Variants in TNIP1 observed in about 807,000 individuals in gnomAD.
TNIP1 encodes the protein TNFAIP3-interacting protein 1.
TNIP1 carries 22 observed loss-of-function variants against 86.6 expected under a neutral mutation model. That is an observed-to-expected ratio of 0.25 (90% confidence interval 0.18 to 0.36). The LOEUF (loss-of-function observed/expected upper bound fraction) is 0.36, where lower values mean the gene tolerates loss of function less well. Among genes scored for constraint, TNIP1 ranks in the 10% least tolerant of loss-of-function variants. The pLI is 1.00. For missense variants in TNIP1, 709 were observed against 820.6 expected (o/e 0.86, Z 1.66); for synonymous variants, 294 against 313.0 (o/e 0.94, Z 0.64).
chr5:151,061,679 T>A (rs1298698177), intron 4 of TNIP1, among the ~76,000 whole-genome samples: 1 of 152,118 alleles, frequency 6.6e-6, no homozygotes, highest in Non-Finnish European at 1.5e-5. Context: ...AGTCTCACTA[T>A]CCTGCCCAGG....
intron 5 of TNIP1, among the ~76,000 whole-genome samples, chr5:151,058,064 G>T (rs1760913256): frequency 6.6e-6 from 1 of 152,298 alleles, no homozygotes; most frequent in South Asian, 2.1e-4. Context: ...GGGATTACAG[G>T]TGTGCACCAC....
intron 1 of TNIP1, among the ~76,000 whole-genome samples, chr5:151,073,696 C>A (rs1007095168): frequency 6.6e-6 from 1 of 151,554 alleles, no homozygotes; most frequent in African/African-American, 2.4e-5. Context: ...GGGTTCAAGA[C>A]CAGCCTGGGC....
chr5:151,079,565 T>A (rs902343769), intron 1 of TNIP1, among the ~76,000 whole-genome samples: 2 of 151,040 alleles, frequency 1.3e-5, no homozygotes, highest in Non-Finnish European at 2.9e-5. Flanking sequence ...CAAGTTGCCG[T>A]GAGCCGAGAT....
At chr5:151,060,234 G>C in intron 5 of TNIP1, 84 bp downstream of exon 5, 1 of 1,448,732 alleles carries the variant, frequency 6.9e-7, no homozygotes, top group South Asian at 1.1e-5. Flanking sequence ...GATCTGAACA[G>C]GTTCTGTGCC....
At chr5:151,034,916 CGAG>C in intron 15 of TNIP1, 83 bp downstream of exon 15, 1 of 1,487,620 alleles carries the variant, frequency 6.7e-7, no homozygotes, top group Non-Finnish European at 9.3e-7. Flanking sequence ...TCCCCACGCC[CGAG>C]CACACACTGT....
At chr5:151,048,844 T>C (rs1308485494) in intron 8 of TNIP1, among the ~76,000 whole-genome samples, 2 of 152,160 alleles carry the variant, frequency 1.3e-5, no homozygotes, top group Admixed American at 1.3e-4. Context: ...AGAGCAGACT[T>C]TCACCATTTA....
chr5:151,058,744 G>C lies in TNIP1; in HGVS notation c.435+1574C>G, dbSNP rs192994566. Among the ~76,000 whole-genome samples the C allele has an allele frequency of 9.8e-5, 15 of 152,316 alleles. No individual in the cohort carries two copies. The East Asian group carries it at 2.7e-3, about 27-fold the overall frequency. ...GACAGCAGAGCTACAGGGAGCCTCAGAGATCAGGCCGGGAAACCAAGCTAT... is the reference window on the plus strand; with the variant it reads ...GACAGCAGAGCTACAGGGAGCCTCACAGATCAGGCCGGGAAACCAAGCTAT... On this transcript the variant is annotated intron_variant, in intron 5 of 17. Transcript: ENST00000521591.
At position 151,059,323 on chromosome 5, in the gene TNIP1, C is replaced by T. The variant is rs561317121; in HGVS notation, c.435+995G>A. ...CAAGGGGACAGAAGGTTCCAGGCGACAGAACATAAAGAGCCTTTCCAATAC... is the reference window on the plus strand; with the variant it reads ...CAAGGGGACAGAAGGTTCCAGGCGATAGAACATAAAGAGCCTTTCCAATAC... On this transcript the variant is annotated intron_variant, in intron 5 of 17. Transcript: ENST00000521591. Among the ~76,000 whole-genome samples, 47 of 152,330 alleles carry T rather than the reference C, an allele frequency of 3.1e-4. 1 individual carries two copies. The highest frequency in any genetic ancestry group is 1.1e-3 in the African/African-American group (46 of 41,582).
intron 1 of TNIP1, among the ~76,000 whole-genome samples, chr5:151,074,311 A>G (rs1042911884): frequency 7.2e-5 from 11 of 152,146 alleles, no homozygotes; most frequent in African/African-American, 2.7e-4. Context: ...TACTCCAGAG[A>G]CAGACGCAGG....
In TNIP1 at chr5:151,080,869, G is replaced by C. The variant is rs534118774; in HGVS notation, c.-37+11C>G. On this transcript the variant is annotated intron_variant, in intron 1 of 17. Coordinates refer to ENST00000521591, the MANE Select transcript of TNIP1 (RefSeq NM_006058.5). Reference sequence around the variant, plus strand: ...CTCCCCTCCATCCCCGCTCCGGGCCGGCCGGCTTACCCGAGGACGGGGAGC... The same window carrying C: ...CTCCCCTCCATCCCCGCTCCGGGCCCGCCGGCTTACCCGAGGACGGGGAGC... 2 of 152,482 alleles carry C rather than the reference G, an allele frequency of 1.3e-5. No individual in the cohort carries two copies. The highest frequency in any genetic ancestry group is 4.8e-5 in the African/African-American group (2 of 41,584). 9.4% of individuals were successfully genotyped at this position (152,482 alleles called of 1,614,324 possible). A position where few individuals can be genotyped will look rare whatever the true frequency, so the allele number is the denominator to read the frequency against.
chr5:151,053,845 G>C (rs577540185), intron 6 of TNIP1, among the ~76,000 whole-genome samples: 1 of 152,242 alleles, frequency 6.6e-6, no homozygotes, highest in African/African-American at 2.4e-5. Context: ...CACTGGCGGG[G>C]AGTAAAACTC....
At chr5:151,081,310 T>A (rs1764006002), upstream of TNIP1, among the ~76,000 whole-genome samples, 1 of 151,996 alleles carries the variant, frequency 6.6e-6, no homozygotes, top group Non-Finnish European at 1.5e-5. Context: ...GTCGAAGGCC[T>A]GGGGCCACCT....
At chr5:151,085,049 T>G (rs1001932302), upstream of TNIP1, among the ~76,000 whole-genome samples, 22 of 152,180 alleles carry the variant, frequency 1.4e-4, no homozygotes, top group African/African-American at 5.3e-4. Context: ...AATACCTGCA[T>G]GAGGAGGTAG....
intron 11 of TNIP1, 26 bp from the exon 12 acceptor site, chr5:151,039,251 C>T: frequency 6.2e-7 from 1 of 1,604,680 alleles, no homozygotes; most frequent in Non-Finnish European, 8.5e-7. Context: ...GGTTGGTAAG[C>T]TGGCTAGGAT....
chr5:151,042,601 T>TGCTCCC lies in TNIP1; in HGVS notation c.1067_1072dup (p.Arg356_Glu357dup). On this transcript the variant is annotated inframe_insertion, in exon 11 of 18. Coordinates refer to ENST00000521591, the MANE Select transcript of TNIP1 (RefSeq NM_006058.5). Reference sequence around the variant, plus strand: ...CTTGCGGTCAAAGTCACGCTGCTTCTGCTCCCGCTCGGCCTCCAGGTCAGT... The same window carrying TGCTCCC: ...CTTGCGGTCAAAGTCACGCTGCTTCTGCTCCCGCTCCCGCTCGGCCTCCAGGTCAGT... 6.2e-7 allele frequency: 1 copy of TGCTCCC among 1,613,970 alleles called. No homozygotes were observed. Among genetic ancestry groups the TGCTCCC allele is most frequent in the South Asian group, 1.1e-5 (1 of 91,092 alleles).
chr5:151,061,434 A>C (rs955138661), intron 4 of TNIP1, among the ~76,000 whole-genome samples: 1 of 151,848 alleles, frequency 6.6e-6, no homozygotes, highest in Non-Finnish European at 1.5e-5. Context: ...GAACTATGCA[A>C]TCCCTTGTAG....
intron 3 of TNIP1, among the ~76,000 whole-genome samples, chr5:151,063,208 C>T (rs772734144): frequency 1.2e-4 from 18 of 152,174 alleles, no homozygotes; most frequent in Non-Finnish European, 2.2e-4. Context: ...GCGCAGGGCA[C>T]GACCAGGGAG....
At position 151,033,710 on chromosome 5, in the gene TNIP1, C is replaced by A; in HGVS notation, c.1677G>T (p.Val559=). 7.4e-7 allele frequency: 1 copy of A among 1,356,680 alleles called. No homozygotes were observed. Among genetic ancestry groups the A allele is most frequent in the African/African-American group, 1.5e-5 (1 of 66,926 alleles). 84.0% of individuals were successfully genotyped at this position (1,356,680 alleles called of 1,614,324 possible). The change falls in exon 16 of 18, where the codon GTG becomes GTT. Residue 559 remains valine (V), a synonymous_variant. Transcript: ENST00000521591. ...PYAYPPMPAM[V]PHHGFEDWSQ... ...ACCAGTCCTCGAAGCCATGGTGTGG[C>A]ACCATGGCTGGCATGGGCGGGTAGG...
intron 12 of TNIP1, among the ~76,000 whole-genome samples, chr5:151,038,006 C>T (rs1039241981): frequency 1.3e-5 from 2 of 152,238 alleles, no homozygotes; most frequent in Admixed American, 6.5e-5. Flanking sequence ...TACTCATCCA[C>T]ATGGTGTCTG....
Sources: gnomAD v4.1 joint callset for allele counts (sites outside exome capture counted in the v4.1 genomes callset) on GRCh38, gnomAD v4.1.1 for gene constraint, MANE v1.5 for transcripts, NCBI Gene and HGNC (gene_info 2026-07-23, HGNC 2026-07-21) for gene names.